TSNARE1: variants seen among roughly 807,000 people sequenced by gnomAD.
TSNARE1 encodes the protein t-SNARE domain containing 1, also known as t-SNARE domain-containing protein 1.
A neutral mutation model predicts 62.0 loss-of-function variants in TSNARE1; 49 were observed. The ratio of observed to expected loss-of-function variants is 0.79; its 90% CI spans 0.63 to 1.00. The LOEUF (loss-of-function observed/expected upper bound fraction) is 1.00. Ranked by LOEUF, TSNARE1 falls within the 50% of genes least tolerant of loss-of-function variation. TSNARE1 has a pLI of 0.00. For missense variants in TSNARE1, 755 were observed against 700.1 expected, an observed-to-expected ratio of 1.08 and a Z score of -0.88; for synonymous variants, 328 against 294.4, an observed-to-expected ratio of 1.11 and a Z score of -1.17.
intron 11 of TSNARE1, among the ~76,000 whole-genome samples, chr8:142,282,172 A>G (rs1483248656): frequency 6.6e-6 from 1 of 152,138 alleles, no homozygotes; most frequent in African/African-American, 2.4e-5. Context: ...TCAGGACACC[A>G]TGCCCTGGCC....
rs1204023239 is a variant in TSNARE1, at chr8:142,291,742, A to C, written c.1291-7257T>G. Among the ~76,000 whole-genome samples, 1 of 152,160 alleles carries C rather than the reference A, an allele frequency of 6.6e-6. No homozygotes were observed. On this transcript the variant is annotated intron_variant, in intron 10 of 13. Coordinates refer to ENST00000524325, the MANE Select transcript of TSNARE1 (RefSeq NM_145003.5). This position sits in a 1 kb window ranked among gnomAD's most constrained non-coding sequence, Gnocchi z 4.8. ...GGCGAGCGTGGGAGCGGCAGGGGTT[A>C]GAGGACACCCCTGGAGTCAGGGCCT...
At chr8:142,343,574 G>A (rs559722642) in intron 4 of TSNARE1, among the ~76,000 whole-genome samples, 12 of 151,686 alleles carry the variant, frequency 7.9e-5, no homozygotes, top group Admixed American at 2.6e-4. Flanking sequence ...TCTAGGACGC[G>A]GTGAGGGACA....
At chr8:142,359,509 G>A (rs1835000914) in intron 1 of TSNARE1, among the ~76,000 whole-genome samples, 1 of 152,226 alleles carries the variant, frequency 6.6e-6, no homozygotes, top group African/African-American at 2.4e-5. Flanking sequence ...AGCCCTCACA[G>A]GTGCTGAGCC....
At chr8:142,276,200 G>A (rs767727007) in intron 11 of TSNARE1, 28 of 985,342 alleles carry the variant, frequency 2.8e-5, no homozygotes, top group South Asian at 1.9e-4. Context: ...CCCAGAGAGC[G>A]GGTATGGGTG....
rs79275109 is a variant in TSNARE1 at position 142,264,826 on chromosome 8, T to A, written c.1446+9955A>T. 3.3e-5 allele frequency among the ~76,000 whole-genome samples: 5 copies of A among 152,322 alleles called. No homozygotes were observed. In the East Asian group the frequency reaches 9.6e-4, roughly 29 times the overall value. On this transcript the variant is annotated intron_variant, in intron 12 of 13. Coordinates refer to ENST00000524325, the MANE Select transcript of TSNARE1 (RefSeq NM_145003.5). ...TCTCTTGTCAATAGTAAAGGTGTTATTTTTTCCTCCAATCTGACAGTCCTT... is the reference window on the plus strand; with the variant it reads ...TCTCTTGTCAATAGTAAAGGTGTTAATTTTTCCTCCAATCTGACAGTCCTT...
intron 12 of TSNARE1, among the ~76,000 whole-genome samples, chr8:142,255,892 ACCACCACTG>A (rs1818470709): frequency 4.7e-5 from 3 of 64,222 alleles, no homozygotes; most frequent in East Asian, 5.7e-4. Flanking sequence ...CACCACCACC[ACCACCACTG>A]TCACCATCAC....
chr8:142,284,571 G>A, intron 10 of TSNARE1, 86 bp from the exon 11 acceptor site: 2 of 1,145,340 alleles, frequency 1.7e-6, no homozygotes, highest in Admixed American at 1.7e-5. Flanking sequence ...GGAACCTGGG[G>A]CGGGCCCAGG....
intron 1 of TSNARE1, among the ~76,000 whole-genome samples, chr8:142,357,914 A>G (rs920048366): frequency 1.1e-4 from 17 of 151,660 alleles, no homozygotes; most frequent in Admixed American, 4.6e-4. Context: ...AGGCTCCATG[A>G]GAGGAGGGGG....
chr8:142,265,324 G>A (rs1159552044), intron 12 of TSNARE1, among the ~76,000 whole-genome samples: 1 of 152,162 alleles, frequency 6.6e-6, no homozygotes, highest in East Asian at 1.9e-4. Context: ...TCGCCCTTTT[G>A]AGAATGTTAC....
chr8:142,275,014 G>T, intron 11 of TSNARE1, 151 bp from the exon 12 acceptor site: 1 of 1,370,382 alleles, frequency 7.3e-7, no homozygotes. Flanking sequence ...TGCCAGACGT[G>T]CCGAGGGCTC....
At chr8:142,255,596 T>TCACCATCACCAC (rs1258423175) in intron 12 of TSNARE1, among the ~76,000 whole-genome samples, 4 of 2,462 alleles carry the variant, frequency 1.6e-3, no homozygotes, top group African/African-American at 4.8e-3. Flanking sequence ...ACCACCACTG[T>TCACCATCACCAC]CACCATCACC....
At chr8:142,358,677 A>G (rs7842501) in intron 1 of TSNARE1, among the ~76,000 whole-genome samples, 47,542 of 151,626 alleles carry the variant, frequency 0.31, 9,747 homozygotes, top group African/African-American at 0.58. Context: ...AGAGGAGGCC[A>G]GTCTGGAAAC....
chr8:142,368,121 T>G (rs1044770606), intron 1 of TSNARE1, among the ~76,000 whole-genome samples: 1 of 150,894 alleles, frequency 6.6e-6, no homozygotes, highest in African/African-American at 2.4e-5. Flanking sequence ...CAAAAAAAAC[T>G]TCTGCATGGT....
At chr8:142,249,579 C>T (rs563172093) in intron 12 of TSNARE1, among the ~76,000 whole-genome samples, 4 of 152,334 alleles carry the variant, frequency 2.6e-5, no homozygotes, top group South Asian at 2.1e-4. Context: ...GTTTCAAGCA[C>T]GCAGTGGGTT....
At chr8:142,290,516 G>A (rs866602126) in intron 10 of TSNARE1, among the ~76,000 whole-genome samples, 4 of 152,210 alleles carry the variant, frequency 2.6e-5, no homozygotes, top group Admixed American at 2.0e-4. Context: ...GTGCCTGTGT[G>A]TTCCCTTCAC....
chr8:142,386,235 T>C (rs1182203688), intron 1 of TSNARE1, among the ~76,000 whole-genome samples: 1 of 152,206 alleles, frequency 6.6e-6, no homozygotes, highest in Non-Finnish European at 1.5e-5. Context: ...TGTTAGGGAT[T>C]AGAGTGTGGC....
chr8:142,286,408 A>G (rs1030227731), intron 10 of TSNARE1, among the ~76,000 whole-genome samples: 5 of 152,224 alleles, frequency 3.3e-5, no homozygotes, highest in Admixed American at 2.0e-4. Flanking sequence ...GCATGATCTT[A>G]AACTGACACG....
intron 12 of TSNARE1, among the ~76,000 whole-genome samples, chr8:142,233,082 C>T (rs1382357785): frequency 6.6e-6 from 1 of 152,238 alleles, no homozygotes; most frequent in Non-Finnish European, 1.5e-5. Context: ...GCCGGCCAGG[C>T]ACACAGCCCC....
chr8:142,320,302 G>A (rs375286567), intron 6 of TSNARE1, among the ~76,000 whole-genome samples: 11 of 152,066 alleles, frequency 7.2e-5, no homozygotes, highest in East Asian at 3.9e-4. Flanking sequence ...CTAAGCCCAC[G>A]CGGGTGGCCT....
Sources: allele counts gnomAD v4.1 joint callset (sites outside exome capture counted in the v4.1 genomes callset), GRCh38; gene constraint gnomAD v4.1.1; non-coding constraint Gnocchi (gnomAD v3.1); transcripts MANE v1.5; gene names NCBI Gene and HGNC (gene_info 2026-07-23, HGNC 2026-07-21).